The following PDE1C variants were observed in gnomAD, a reference collection of about 807,000 sequenced individuals.
PDE1C encodes the protein dual specificity calcium/calmodulin-dependent 3',5'-cyclic nucleotide phosphodiesterase 1C.
In PDE1C, 62 loss-of-function variants were observed where a neutral mutation model predicts 93.1. The ratio of observed to expected loss-of-function variants is 0.67; its 90% confidence interval spans 0.54 to 0.82. The LOEUF (loss-of-function observed/expected upper bound fraction) is 0.82, where lower values mean the gene tolerates loss of function less well. Ranked by LOEUF, PDE1C falls within the 40% of genes least tolerant of loss-of-function variation. The pLI, the probability that PDE1C is intolerant of heterozygous loss-of-function variation, is 0.00. For missense variants in PDE1C, 742 were observed against 884.6 expected, an observed-to-expected ratio of 0.84 and a Z score of 2.04; for synonymous variants, 325 against 310.1, an observed-to-expected ratio of 1.05 and a Z score of -0.50.
the PDE1C span, among the ~76,000 whole-genome samples, chr7:31,649,745 A>G: frequency 6.6e-6 from 1 of 152,294 alleles, no homozygotes; most frequent in Admixed American, 6.5e-5. Context: ...CCAACCCAGG[A>G]TGCAAAACAA....
At chr7:32,346,927 T>C (rs1783864164) in intron 1 of PDE1C, among the ~76,000 whole-genome samples, 1 of 152,232 alleles carries the variant, frequency 6.6e-6, no homozygotes, top group African/African-American at 2.4e-5. Context: ...TGGGGCTGAC[T>C]GTAGGAACAG....
chr7:32,059,599 T>TA (rs979825777), intron 1 of PDE1C, among the ~76,000 whole-genome samples: 1 of 152,196 alleles, frequency 6.6e-6, no homozygotes, highest in African/African-American at 2.4e-5. Flanking sequence ...GAGCCTGGAT[T>TA]AAAAATTCCA....
At chr7:31,676,333 A>G in the PDE1C span, among the ~76,000 whole-genome samples, 2 of 151,976 alleles carry the variant, frequency 1.3e-5, no homozygotes, top group Non-Finnish European at 2.9e-5. Context: ...GAAAATCTCA[A>G]TAGATTCCCA....
At chr7:31,863,824 G>A (rs562957556) in intron 7 of PDE1C, among the ~76,000 whole-genome samples, 1 of 152,074 alleles carries the variant, frequency 6.6e-6, no homozygotes, top group Non-Finnish European at 1.5e-5. Context: ...TTCGCTCAGA[G>A]ACTCAAGTAA....
chr7:31,896,624 A>G (rs1799361162), intron 2 of PDE1C, among the ~76,000 whole-genome samples: 2 of 152,218 alleles, frequency 1.3e-5, no homozygotes, highest in African/African-American at 4.8e-5. Flanking sequence ...GATATTGGTG[A>G]TACTATTGGC....
chr7:32,044,990 A>G (rs1792326457), intron 2 of PDE1C, among the ~76,000 whole-genome samples: 1 of 151,914 alleles, frequency 6.6e-6, no homozygotes, highest in African/African-American at 2.4e-5. Context: ...TCCCATGCCT[A>G]GTTCCCAGGT....
intron 1 of PDE1C, among the ~76,000 whole-genome samples, chr7:32,223,741 G>C (rs2128856289): frequency 1.3e-5 from 2 of 152,274 alleles, no homozygotes; most frequent in Middle Eastern, 3.4e-3. Flanking sequence ...CCTGGCACAA[G>C]CCCCCCTCAT....
At chr7:31,628,834 A>T in the PDE1C span, among the ~76,000 whole-genome samples, 1 of 152,150 alleles carries the variant, frequency 6.6e-6, no homozygotes, top group South Asian at 2.1e-4. Flanking sequence ...GCCTTGTAAA[A>T]GCACTATTTC....
At chr7:31,849,064 C>T (rs149034170) in intron 8 of PDE1C, among the ~76,000 whole-genome samples, 7 of 152,336 alleles carry the variant, frequency 4.6e-5, no homozygotes, top group Non-Finnish European at 7.3e-5. Flanking sequence ...CCAAGCTTAA[C>T]TGAACACATT....
At chr7:32,398,377 TG>T (rs1287188954) in intron 1 of PDE1C, among the ~76,000 whole-genome samples, 1 of 151,818 alleles carries the variant, frequency 6.6e-6, no homozygotes, top group Non-Finnish European at 1.5e-5. Flanking sequence ...CAAGATCACT[TG>T]GTAGGAACTG....
At chr7:32,260,788 G>A (rs1003197328) in intron 1 of PDE1C, among the ~76,000 whole-genome samples, 10 of 152,184 alleles carry the variant, frequency 6.6e-5, no homozygotes, top group South Asian at 2.1e-4. Context: ...TCTTGCCTGG[G>A]GACCAGTCTG....
At chr7:31,698,784 C>T in the PDE1C span, among the ~76,000 whole-genome samples, 3 of 152,244 alleles carry the variant, frequency 2.0e-5, no homozygotes, top group East Asian at 1.9e-4. Flanking sequence ...ATAGAAATTG[C>T]TTCTTTAGAT....
At chr7:31,753,690 G>T (rs1794258021) in intron 17 of PDE1C, 137 bp from the exon 18 acceptor site, 1 of 1,302,952 alleles carries the variant, frequency 7.7e-7, no homozygotes, top group South Asian at 1.7e-5. Flanking sequence ...GATTCTCCCT[G>T]GAAACCTTAT....
intron 1 of PDE1C, among the ~76,000 whole-genome samples, chr7:32,374,218 G>GA (rs1784385290): frequency 5.3e-5 from 7 of 132,096 alleles, no homozygotes; most frequent in African/African-American, 2.0e-4. Context: ...GGGAAAGAAA[G>GA]GGAAAGAAAG....
At chr7:32,342,149 A>T (rs1783770284) in intron 1 of PDE1C, among the ~76,000 whole-genome samples, 1 of 152,208 alleles carries the variant, frequency 6.6e-6, no homozygotes, top group Non-Finnish European at 1.5e-5. Flanking sequence ...AGGTTAGCTG[A>T]CATATTTCTT....
chr7:31,713,974 G>T, the PDE1C span, among the ~76,000 whole-genome samples: 11 of 152,258 alleles, frequency 7.2e-5, no homozygotes, highest in African/African-American at 2.6e-4. Context: ...ACATGCCCTA[G>T]AGACATTTTC....
At chr7:31,692,458 A>AT in the PDE1C span, 14 of 1,611,230 alleles carry the variant, frequency 8.7e-6, no homozygotes, top group Non-Finnish European at 1.2e-5. Flanking sequence ...TCCACTGAGC[A>AT]AATGCAGCCA....
At chr7:31,639,538 G>GT in the PDE1C span, among the ~76,000 whole-genome samples, 395 of 142,502 alleles carry the variant, frequency 2.8e-3, 5 homozygotes, top group African/African-American at 7.9e-3. Context: ...GTTTGTTTTT[G>GT]TTTTTTTTTT....
At chr7:32,029,631 G>C (rs1297132169) in intron 2 of PDE1C, among the ~76,000 whole-genome samples, 1 of 152,032 alleles carries the variant, frequency 6.6e-6, no homozygotes, top group African/African-American at 2.4e-5. Context: ...AAATATCACA[G>C]CAGGTCATAG....
Sources: gnomAD v4.1 joint callset for allele counts (sites outside exome capture counted in the v4.1 genomes callset) on GRCh38, gnomAD v4.1.1 for gene constraint, MANE v1.5 for transcripts, NCBI Gene and HGNC (gene_info 2026-07-23, HGNC 2026-07-21) for gene names.